The following TTC27 variants were observed in gnomAD, a reference collection of about 807,000 sequenced individuals.
The protein encoded by TTC27 is tetratricopeptide repeat protein 27.
TTC27 carries 79 observed loss-of-function variants against 115.9 expected under a neutral mutation model. That is an observed-to-expected ratio of 0.68 (90% CI 0.57 to 0.82). The LOEUF is 0.82. Among genes scored for constraint, TTC27 ranks in the 40% least tolerant of loss-of-function variants. TTC27 has a pLI of 0.00. For synonymous variants in TTC27, 401 were observed against 356.0 expected, an observed-to-expected ratio of 1.13 and a Z score of -1.42; for missense variants, 1,054 against 993.1, an observed-to-expected ratio of 1.06 and a Z score of -0.82.
intron 16 of TTC27, among the ~76,000 whole-genome samples, chr2:32,800,034 G>T (rs1276750346): frequency 6.6e-6 from 1 of 152,192 alleles, no homozygotes; most frequent in Non-Finnish European, 1.5e-5. Context: ...ACCACTTTGT[G>T]CCTCAGTTTC....
intron 5 of TTC27, among the ~76,000 whole-genome samples, chr2:32,661,130 A>G (rs1191416536): frequency 6.6e-6 from 1 of 152,034 alleles, no homozygotes; most frequent in East Asian, 1.9e-4. Flanking sequence ...TGGTCTATAT[A>G]TCTGTTTTGA....
chr2:32,679,497 A>T (rs1666343117), intron 9 of TTC27, among the ~76,000 whole-genome samples: 1 of 152,228 alleles, frequency 6.6e-6, no homozygotes, highest in South Asian at 2.1e-4. Context: ...TCACAGACGA[A>T]GGGGTCAGTC....
In TTC27 at chr2:32,820,156, G is replaced by A. The variant is rs912181801; in HGVS notation, c.2410-660G>A. On this transcript the variant is annotated intron_variant, in intron 19 of 19. Transcript: ENST00000317907. ...CAGTCGCATGTACACACGTGCACAT[G>A]TGTGCACACATACACATACCATGGG... Among the ~76,000 whole-genome samples, 7 of 152,268 alleles carry A rather than the reference G, an allele frequency of 4.6e-5. No homozygotes were observed. The East Asian group carries it at 1.4e-3, about 29-fold the overall frequency.
chr2:32,629,652 G>C (rs912979676), intron 1 of TTC27, among the ~76,000 whole-genome samples: 6 of 147,766 alleles, frequency 4.1e-5, no homozygotes, highest in African/African-American at 1.0e-4. Flanking sequence ...TGTTAGCCAG[G>C]ATGGTCTCGA....
rs538605774 is a variant in TTC27 at position 32,715,475 on chromosome 2, G to A, written c.1233+12555G>A. ...GTACCATGCTATTTTTGTTTCTGTG[G>A]CCTTGTGGTACAGTTTGAAGTATGA... On this transcript the variant is annotated intron_variant, in intron 10 of 19. Transcript: ENST00000317907. 2.0e-5 allele frequency among the ~76,000 whole-genome samples: 3 copies of A among 152,190 alleles called. No homozygotes were observed. The East Asian group carries it at 5.8e-4, about 29-fold the overall frequency.
At chr2:32,651,531 A>T (rs760374269) in intron 5 of TTC27, among the ~76,000 whole-genome samples, 18 of 152,120 alleles carry the variant, frequency 1.2e-4, no homozygotes, top group Non-Finnish European at 2.6e-4. Context: ...TTTTTAGTAG[A>T]CATGGGGTTT....
rs566128425 is a variant in TTC27 at position 32,785,335 on chromosome 2, AT to A, written c.1833-1641del. On this transcript the variant is annotated intron_variant, in intron 15 of 19. Coordinates refer to ENST00000317907, the MANE Select transcript of TTC27 (RefSeq NM_017735.5). Reference sequence around the variant, plus strand: ...TTTGATCATAGAATTTATGATCAAAATTTTTTTTGAAATTTGTTCATTTCTG... The same window carrying A: ...TTTGATCATAGAATTTATGATCAAAATTTTTTTGAAATTTGTTCATTTCTG... 9.2e-5 allele frequency among the ~76,000 whole-genome samples: 14 copies of A among 152,100 alleles called. No homozygotes were observed. The South Asian group carries it at 2.7e-3, about 29-fold the overall frequency.
At chr2:32,682,691 G>A (rs892816443) in intron 9 of TTC27, among the ~76,000 whole-genome samples, 2 of 113,238 alleles carry the variant, frequency 1.8e-5, no homozygotes, top group Admixed American at 9.7e-5. Context: ...TTTTTGAAAT[G>A]GAGTTTTGCT....
intron 10 of TTC27, among the ~76,000 whole-genome samples, chr2:32,709,718 T>C (rs1667510888): frequency 6.6e-6 from 1 of 152,160 alleles, no homozygotes. Context: ...AGGTGCTCTG[T>C]AGCTGAGGTG....
intron 16 of TTC27, among the ~76,000 whole-genome samples, chr2:32,789,386 A>G (rs1670453387): frequency 1.3e-5 from 2 of 152,212 alleles, no homozygotes; most frequent in Non-Finnish European, 2.9e-5. Flanking sequence ...ATGAAAAAAC[A>G]TTCTTGCTAA....
intron 10 of TTC27, among the ~76,000 whole-genome samples, chr2:32,725,181 C>T (rs773898432): frequency 5.6e-4 from 85 of 152,274 alleles, no homozygotes; most frequent in Non-Finnish European, 1.0e-3. Context: ...CCTCTGGCCC[C>T]TTCAAATCTC....
chr2:32,813,069 G>T (rs1671372308), intron 18 of TTC27, among the ~76,000 whole-genome samples: 1 of 152,132 alleles, frequency 6.6e-6, no homozygotes, highest in Non-Finnish European at 1.5e-5. Context: ...AATGGTAGAG[G>T]ATATTGTTTG....
intron 10 of TTC27, among the ~76,000 whole-genome samples, chr2:32,723,970 G>GTTTTTTTTTTTTTTTT (rs1668025651): frequency 3.0e-5 from 2 of 66,288 alleles, no homozygotes; most frequent in African/African-American, 6.9e-5. Flanking sequence ...GCATACATAA[G>GTTTTTTTTTTTTTTTT]CTTTTTTTTT....
intron 12 of TTC27, among the ~76,000 whole-genome samples, chr2:32,744,057 C>G (rs1421313430): frequency 6.6e-6 from 1 of 152,206 alleles, no homozygotes; most frequent in Non-Finnish European, 1.5e-5. Context: ...AATAGACAAA[C>G]TTACTACAAA....
intron 19 of TTC27, among the ~76,000 whole-genome samples, chr2:32,818,840 T>C (rs559937279): frequency 1.2e-4 from 19 of 152,200 alleles, no homozygotes; most frequent in Non-Finnish European, 2.2e-4. Flanking sequence ...TTATTAATGG[T>C]TTGATCTTTT....
chr2:32,642,042 A>G (rs1391604251), intron 4 of TTC27, among the ~76,000 whole-genome samples: 2 of 151,822 alleles, frequency 1.3e-5, no homozygotes, highest in Non-Finnish European at 1.5e-5. Context: ...TTTTTAGTAG[A>G]GATGGGATTT....
rs770621313 is a variant in TTC27 at position 32,746,563 on chromosome 2, C to CAAAAAAAAAAAAAAAA, written c.1452+9751_1452+9766dup. Among the ~76,000 whole-genome samples, 164 of 46,270 alleles carry CAAAAAAAAAAAAAAAA rather than the reference C, an allele frequency of 3.5e-3. 8 individuals carry two copies. The highest frequency in any genetic ancestry group is 8.8e-3 in the South Asian group (5 of 570). The allele number at this position is 46,270 out of a possible 152,430, so 30.4% of individuals were successfully genotyped here. A position where few individuals can be genotyped will look rare whatever the true frequency, so the allele number is the denominator to read the frequency against. ...TGGCAATAAGAGTGAAACTCCATCTCAAAAAAAAAAAAAAAAAAAGAATGC... is the reference window on the plus strand; with the variant it reads ...TGGCAATAAGAGTGAAACTCCATCTCAAAAAAAAAAAAAAAAAAAAAAAAAAAAAAAAAAAGAATGC... On this transcript the variant is annotated intron_variant, in intron 12 of 19. Transcript: ENST00000317907.
At chr2:32,655,984 T>G (rs1306839181) in intron 5 of TTC27, among the ~76,000 whole-genome samples, 5 of 152,202 alleles carry the variant, frequency 3.3e-5, no homozygotes, top group African/African-American at 1.2e-4. Context: ...AGCTAACGGC[T>G]ACCATCTGGA....
intron 10 of TTC27, among the ~76,000 whole-genome samples, chr2:32,717,106 T>G (rs1285946853): frequency 2.0e-5 from 3 of 151,690 alleles, no homozygotes; most frequent in African/African-American, 7.3e-5. Flanking sequence ...TGGGCTCAAG[T>G]GATCCTCCTG....
Sources: allele counts gnomAD v4.1 joint callset (sites outside exome capture counted in the v4.1 genomes callset), GRCh38; gene constraint gnomAD v4.1.1; transcripts MANE v1.5; gene names NCBI Gene and HGNC (gene_info 2026-07-23, HGNC 2026-07-21).